ATRAID: variants seen among roughly 807,000 people sequenced by gnomAD.
ATRAID encodes all-trans retinoic acid-induced differentiation factor.
ATRAID carries 26 observed loss-of-function variants against 28.8 expected under a neutral mutation model. The observed-to-expected ratio is 0.90, with a 90% CI of 0.66 to 1.25. The LOEUF is 1.25. ATRAID is among the 50% of genes most tolerant of loss of function. The pLI is 0.00. For missense variants in ATRAID, 308 were observed against 285.9 expected (o/e 1.08, Z -0.56); for synonymous variants, 131 against 108.5 (o/e 1.21, Z -1.29).
rs377697737 is a variant in ATRAID at position 27,217,029 on chromosome 2, A to G, written c.*81A>G. The G allele has an allele frequency of 7.8e-6, 10 of 1,278,820 alleles. No individual in the cohort carries two copies. The East Asian group carries it at 2.3e-4, about 30-fold the overall frequency. The allele number at this position is 1,278,820 out of a possible 1,614,324, so 79.2% of individuals were successfully genotyped here. A position where few individuals can be genotyped will look rare whatever the true frequency, so the allele number is the denominator to read the frequency against. On this transcript the variant is annotated 3_prime_UTR_variant, in exon 7 of 7. Transcript: ENST00000380171. ...AGGGAGCTCTGCTTCCTAGAAAGGC[A>G]TCTTTCGCCAGTGGATTCGCCTCAA... is the stretch of plus-strand genomic sequence containing the variant.
At chr2:27,213,345 C>A in intron 2 of ATRAID, 47 bp downstream of exon 2, 1 of 1,589,236 alleles carries the variant, frequency 6.3e-7, no homozygotes, top group Non-Finnish European at 8.6e-7. Flanking sequence ...CATTCCTTAG[C>A]CTGGCTGCTT....
At chr2:27,213,938 T>A (rs1033563299) in intron 2 of ATRAID, among the ~76,000 whole-genome samples, 23 of 152,350 alleles carry the variant, frequency 1.5e-4, no homozygotes, top group Non-Finnish European at 2.9e-4. Context: ...ATACCTTTTT[T>A]AAATTATTAT....
At position 27,215,629 on chromosome 2, in the gene ATRAID, T is replaced by G; in HGVS notation, c.366-3T>G. On this transcript the variant is annotated splice_region_variant and splice_polypyrimidine_tract_variant and intron_variant, in intron 4 of 6. Coordinates refer to ENST00000380171, the MANE Select transcript of ATRAID (RefSeq NM_001170795.4). ...TGCATGTTATGACCACATTTCTCTA[T>G]AGGATACTGCCACAACATGTCAACT... The G allele has an allele frequency of 6.2e-7, 1 of 1,614,218 alleles. No individual in the cohort carries two copies. Among genetic ancestry groups the G allele is most frequent in the Non-Finnish European group, 8.5e-7 (1 of 1,180,030 alleles).
chr2:27,216,650 A>G (rs41288811), intron 6 of ATRAID, 30 bp downstream of exon 6: 76,537 of 1,576,384 alleles, frequency 0.049, 2,066 homozygotes, highest in African/African-American at 0.088. Flanking sequence ...AACTAGGGAT[A>G]CAAGGAATGC....
chr2:27,213,300 T>C lies in ATRAID; in HGVS notation c.221+2T>C, dbSNP rs776205683. The C allele has an allele frequency of 6.2e-7, 1 of 1,612,600 alleles. No homozygotes were observed. Among genetic ancestry groups the C allele is most frequent in the Non-Finnish European group, 8.5e-7 (1 of 1,178,826 alleles). ...GAATCAGAAGGGCACCATCTTGGGG[T>C]GAGGGGAAGACATCCCTAGATGCTG... is the stretch of plus-strand genomic sequence containing the variant. On this transcript the variant is annotated splice_donor_variant, in intron 2 of 6. Transcript: ENST00000380171. LOFTEE classifies it high-confidence loss of function.
chr2:27,215,128 T>A (rs1024877297), intron 2 of ATRAID, among the ~76,000 whole-genome samples, 193 bp from the exon 3 acceptor site: 1 of 152,102 alleles, frequency 6.6e-6, no homozygotes, highest in African/African-American at 2.4e-5. Flanking sequence ...ATTTAAGTAG[T>A]TACATGTGGC....
intron 2 of ATRAID, among the ~76,000 whole-genome samples, chr2:27,215,108 A>G (rs958940474): frequency 1.2e-4 from 18 of 152,102 alleles, no homozygotes; most frequent in Non-Finnish European, 2.6e-4. Context: ...CCTAAGGTAC[A>G]TTAATTTAAA....
chr2:27,212,393 C>G lies in ATRAID; in HGVS notation c.25C>G (p.Leu9Val), dbSNP rs185160026. Residue 9 changes from leucine to valine, a missense_variant, in exon 1 of 7, where the codon CTT (leucine) becomes GTT (valine). By Grantham distance (32) the Leu-to-Val change is conservative (BLOSUM62 1). Coordinates refer to ENST00000380171, the MANE Select transcript of ATRAID (RefSeq NM_001170795.4). MAPHDPGS[L>V]TTLVPWAAAL... ...AATGGCGCCTCACGACCCGGGTAGT[C>G]TTACGACCCTGGTGCCCTGGGCTGC... is the stretch of plus-strand genomic sequence containing the variant. 1.9e-5 allele frequency: 30 copies of G among 1,550,952 alleles called. No individual in the cohort carries two copies. The highest frequency in any genetic ancestry group is 2.5e-5 in the Non-Finnish European group (29 of 1,147,234).
rs1052688429 is a variant in ATRAID, at chr2:27,212,358, G to A, written c.-11G>A. 10 of 1,550,340 alleles carry A rather than the reference G, an allele frequency of 6.5e-6. No individual in the cohort carries two copies. The highest frequency in any genetic ancestry group is 8.7e-6 in the Non-Finnish European group (10 of 1,146,714). On this transcript the variant is annotated 5_prime_UTR_variant, in exon 1 of 7. Transcript: ENST00000380171. ...GGTCGCGCGAGCAGCGGAGCACCAA[G>A]GGAACGGAAAATGGCGCCTCACGAC...
intron 2 of ATRAID, 111 bp from the exon 3 acceptor site, chr2:27,215,210 A>G: frequency 9.4e-7 from 1 of 1,065,422 alleles, no homozygotes; most frequent in East Asian, 2.4e-5. Flanking sequence ...CTCTGAACAC[A>G]GCTGTGTTCA....
In ATRAID at chr2:27,217,119, A is replaced by C. The variant is rs1011459251; in HGVS notation, c.*171A>C. ...TTGGTGTAGACAAATACCAGTTCCC[A>C]TTGGTGTTGTTGCCTATAATAAACA... On this transcript the variant is annotated 3_prime_UTR_variant, in exon 7 of 7. Transcript: ENST00000380171. The C allele has an allele frequency of 7.0e-5, 40 of 574,052 alleles. No individual in the cohort carries two copies. Among genetic ancestry groups the C allele is most frequent in the Non-Finnish European group, 1.1e-4 (38 of 330,594 alleles). The allele number at this position is 574,052 out of a possible 1,614,324, so 35.6% of individuals were successfully genotyped here. A position where few individuals can be genotyped will look rare whatever the true frequency, so the allele number is the denominator to read the frequency against.
At position 27,215,455 on chromosome 2, in the gene ATRAID, A is replaced by G; in HGVS notation, c.294-19A>G. ...TAATGTAGGTTGATGCGAAAGTGCT[A>G]ACATTGTGTACTTTGCAGAGACCTG... On this transcript the variant is annotated intron_variant, in intron 3 of 6. Transcript: ENST00000380171. The G allele has an allele frequency of 1.2e-6, 2 of 1,614,168 alleles. No individual in the cohort carries two copies. The highest frequency in any genetic ancestry group is 1.7e-6 in the Non-Finnish European group (2 of 1,180,006).
intron 1 of ATRAID, chr2:27,212,895 TAATA>T (rs1326650208): frequency 1.9e-5 from 9 of 466,952 alleles, no homozygotes; most frequent in African/African-American, 1.2e-4. Flanking sequence ...GCAGAAAGCA[TAATA>T]AATAAGTTCG....
In ATRAID at chr2:27,215,489, C is replaced by A. The variant is rs1184667020; in HGVS notation, c.309C>A (p.Asn103Lys). Reference sequence around the variant, plus strand: ...TACTTTGCAGAGACCTGCAAGCAAACCCCCTCAAAGGTGACTTGGCCAACA... The same window carrying A: ...TACTTTGCAGAGACCTGCAAGCAAAACCCCTCAAAGGTGACTTGGCCAACA... ...HTTVIIDLQA[N>K]PLKGDLANTF... The change falls in exon 4 of 7, where the codon AAC becomes AAA. Residue 103 changes from asparagine to lysine, a missense_variant. By Grantham distance (94) the Asn-to-Lys change is moderately conservative (BLOSUM62 0). Coordinates refer to ENST00000380171, the MANE Select transcript of ATRAID (RefSeq NM_001170795.4). 3 of 1,614,082 alleles carry A rather than the reference C, an allele frequency of 1.9e-6. No individual in the cohort carries two copies. The highest frequency in any genetic ancestry group is 2.5e-6 in the Non-Finnish European group (3 of 1,180,040).
intron 5 of ATRAID, among the ~76,000 whole-genome samples, 186 bp downstream of exon 5, chr2:27,215,939 C>T (rs757399405): frequency 2.1e-4 from 32 of 152,172 alleles, no homozygotes; most frequent in Non-Finnish European, 4.0e-4. Context: ...GTAAAGAGAC[C>T]ACCAAACAGG....
At chr2:27,216,731 A>G in intron 6 of ATRAID, 111 bp downstream of exon 6, 1 of 1,413,974 alleles carries the variant, frequency 7.1e-7, no homozygotes, top group African/African-American at 1.4e-5. Flanking sequence ...TAGGTGGAAA[A>G]CTATAGAATT....
chr2:27,215,688 C>A lies in ATRAID; in HGVS notation c.422C>A (p.Thr141Asn). ...GGAATTAATGCCTGGAATACTATCACCTCTTATATAGACAACCAAATCTGT... is the reference window on the plus strand; with the variant it reads ...GGAATTAATGCCTGGAATACTATCAACTCTTATATAGACAACCAAATCTGT... Reference protein sequence around the residue: ...PGGINAWNTITSYIDNQICQG... With the variant: ...PGGINAWNTINSYIDNQICQG... The change falls in exon 5 of 7, where the codon ACC (threonine) becomes AAC (asparagine). Residue 141 changes from threonine (T) to asparagine (N), a missense_variant. Physicochemically the swap from Thr to Asn is moderately conservative, Grantham distance 65 (BLOSUM62 0). Coordinates refer to ENST00000380171, the MANE Select transcript of ATRAID (RefSeq NM_001170795.4). 6.2e-7 allele frequency: 1 copy of A among 1,614,212 alleles called. No homozygotes were observed. Among genetic ancestry groups the A allele is most frequent in the South Asian group, 1.1e-5 (1 of 91,090 alleles).
chr2:27,216,238 CAA>C, intron 5 of ATRAID: 1 of 406,368 alleles, frequency 2.5e-6, no homozygotes, highest in Non-Finnish European at 4.5e-6. Flanking sequence ...GGGGCAGAAA[CAA>C]ATCACAATGG....
At position 27,215,407 on chromosome 2, in the gene ATRAID, A is replaced by T. The variant is rs770248100; in HGVS notation, c.293+15A>T. 133 of 1,613,960 alleles carry T rather than the reference A, an allele frequency of 8.2e-5. No individual in the cohort carries two copies. Among genetic ancestry groups the T allele is most frequent in the Non-Finnish European group, 1.1e-4 (125 of 1,179,978 alleles). ...ACTGTCATCATGTAAGTAGTTAGGT[A>T]CCTCCCACCCAAAAGGCTAATATAA... On this transcript the variant is annotated intron_variant, in intron 3 of 6. Transcript: ENST00000380171.
Sources: gnomAD v4.1 joint callset for allele counts (sites outside exome capture counted in the v4.1 genomes callset) on GRCh38, gnomAD v4.1.1 for gene constraint, MANE v1.5 for transcripts, NCBI Gene and HGNC (gene_info 2026-07-23, HGNC 2026-07-21) for gene names.